Variants in PLEKHA5 observed in about 807,000 individuals in gnomAD.
PLEKHA5 encodes the protein pleckstrin homology domain containing A5, also known as pleckstrin homology domain-containing family A member 5.
Under a neutral mutation model 181.9 loss-of-function variants are expected in PLEKHA5, and 55 were observed. The observed-to-expected ratio is 0.30, with a 90% CI of 0.24 to 0.38. The LOEUF is 0.38. Ranked by LOEUF, PLEKHA5 falls within the 10% of genes least tolerant of loss-of-function variation. The pLI, the probability that PLEKHA5 is intolerant of heterozygous loss-of-function variation, is 1.00. For synonymous variants in PLEKHA5, 535 were observed against 529.4 expected, an observed-to-expected ratio of 1.01 and a Z score of -0.15; for missense variants, 1,432 against 1,549.5, an observed-to-expected ratio of 0.92 and a Z score of 1.27.
At chr12:19,276,108 T>C (rs2074434492) in intron 11 of PLEKHA5, among the ~76,000 whole-genome samples, 1 of 152,176 alleles carries the variant, frequency 6.6e-6, no homozygotes, top group African/African-American at 2.4e-5. Flanking sequence ...ATGCATATTA[T>C]GGCTTAGATA....
chr12:19,257,181 G>A (rs2067098952), intron 5 of PLEKHA5, among the ~76,000 whole-genome samples: 1 of 152,062 alleles, frequency 6.6e-6, no homozygotes, highest in African/African-American at 2.4e-5. Flanking sequence ...TCTAAAAATT[G>A]TATATCCTAT....
intron 4 of PLEKHA5, 110 bp from the exon 5 acceptor site, chr12:19,254,935 T>C: frequency 2.2e-6 from 2 of 897,070 alleles, no homozygotes; most frequent in African/African-American, 3.3e-5. Flanking sequence ...GTAACTAGGA[T>C]CCAAGTACTG....
At chr12:19,227,609 G>C (rs1023982433) in intron 3 of PLEKHA5, among the ~76,000 whole-genome samples, 5 of 152,130 alleles carry the variant, frequency 3.3e-5, no homozygotes, top group African/African-American at 1.2e-4. Flanking sequence ...AAAATCAGAA[G>C]GGCAAATGAA....
At chr12:19,274,408 T>C (rs577042609) in intron 10 of PLEKHA5, 108 bp from the exon 11 acceptor site, 3 of 701,748 alleles carry the variant, frequency 4.3e-6, no homozygotes, top group Non-Finnish European at 7.1e-6. Context: ...CCCTTTCCAG[T>C]CCCCTGGCCC....
At position 19,207,937 on chromosome 12, in the gene PLEKHA5, T is replaced by C. The variant is rs185526896; in HGVS notation, c.228-46003T>C. Among the ~76,000 whole-genome samples the C allele has an allele frequency of 8.8e-4, 134 of 152,306 alleles. 1 individual carries two copies. The highest frequency in any genetic ancestry group is 3.0e-3 in the African/African-American group (126 of 41,576). ...GTTATATAAGTTAAAATGGCATTTTTGAAAGCCACTAGGAGTGTAGTCAAT... is the reference window on the plus strand; with the variant it reads ...GTTATATAAGTTAAAATGGCATTTTCGAAAGCCACTAGGAGTGTAGTCAAT... On this transcript the variant is annotated intron_variant, in intron 3 of 31. Coordinates refer to ENST00000429027, the MANE Select transcript of PLEKHA5 (RefSeq NM_001256470.2).
chr12:19,336,986 T>C (rs2093475875), intron 21 of PLEKHA5, among the ~76,000 whole-genome samples: 2 of 146,312 alleles, frequency 1.4e-5, no homozygotes, highest in Non-Finnish European at 1.5e-5. Flanking sequence ...CTTTTATCTT[T>C]TTTTTTTTTT....
intron 25 of PLEKHA5, among the ~76,000 whole-genome samples, chr12:19,352,098 GAC>G (rs1422756731): frequency 8.0e-6 from 1 of 125,700 alleles, no homozygotes; most frequent in Non-Finnish European, 1.6e-5. Flanking sequence ...AAAAAAAAAA[GAC>G]TGGCTGGGCC....
At position 19,173,452 on chromosome 12, in the gene PLEKHA5, G is replaced by A. The variant is rs1011072894; in HGVS notation, c.227+41002G>A. On this transcript the variant is annotated intron_variant, in intron 3 of 31. Transcript: ENST00000429027. ...TCTGCCCATCAGAATAGTAAAGAAAGGATTCTCCAAAAAAAAAAATGTGCT... is the reference window on the plus strand; with the variant it reads ...TCTGCCCATCAGAATAGTAAAGAAAAGATTCTCCAAAAAAAAAAATGTGCT... Among the ~76,000 whole-genome samples the A allele has an allele frequency of 6.6e-5, 4 of 60,214 alleles. No individual in the cohort carries two copies. The South Asian group carries it at 2.5e-3, about 38-fold the overall frequency. 39.5% of individuals were successfully genotyped at this position (60,214 alleles called of 152,430 possible).
At chr12:19,205,250 C>T (rs1473541070) in intron 3 of PLEKHA5, 1 of 253,714 alleles carries the variant, frequency 3.9e-6, no homozygotes, top group Admixed American at 6.5e-5. Context: ...AAATTAGATA[C>T]TGAGCATGCT....
intron 3 of PLEKHA5, among the ~76,000 whole-genome samples, chr12:19,225,521 A>G (rs2059575443): frequency 6.6e-6 from 1 of 152,154 alleles, no homozygotes; most frequent in African/African-American, 2.4e-5. Flanking sequence ...ATTATGCTGT[A>G]TGGTCTGCCT....
At chr12:19,129,980 C>A in intron 1 of PLEKHA5, 71 bp from the exon 2 acceptor site, 1 of 1,450,050 alleles carries the variant, frequency 6.9e-7, no homozygotes, top group East Asian at 2.5e-5. Flanking sequence ...GGTCTGTGCT[C>A]CTGCAGCCCC....
intron 3 of PLEKHA5, among the ~76,000 whole-genome samples, chr12:19,222,928 G>A (rs1485367141): frequency 6.6e-6 from 1 of 151,636 alleles, no homozygotes; most frequent in African/African-American, 2.4e-5. Context: ...TATAATCCAA[G>A]GGATATTATT....
At chr12:19,149,029 G>C (rs2039669746) in intron 3 of PLEKHA5, among the ~76,000 whole-genome samples, 1 of 152,156 alleles carries the variant, frequency 6.6e-6, no homozygotes, top group African/African-American at 2.4e-5. Flanking sequence ...AGTCTTTACT[G>C]TATATAACAC....
chr12:19,259,333 C>T (rs1040071886), intron 6 of PLEKHA5, among the ~76,000 whole-genome samples: 1 of 151,970 alleles, frequency 6.6e-6, no homozygotes, highest in Non-Finnish European at 1.5e-5. Context: ...TGCCACTGCA[C>T]TCCAGCCTGG....
chr12:19,201,586 T>C (rs1402564245), intron 3 of PLEKHA5: 1 of 152,058 alleles, frequency 6.6e-6, no homozygotes, highest in African/African-American at 2.4e-5. Context: ...CTACTGTGAA[T>C]GGAGAGACAA....
intron 3 of PLEKHA5, among the ~76,000 whole-genome samples, chr12:19,253,262 A>G (rs1344657687): frequency 1.3e-5 from 2 of 150,204 alleles, no homozygotes; most frequent in Admixed American, 1.3e-4. Flanking sequence ...TTTAGTAGAG[A>G]TGGTGTTTCA....
intron 3 of PLEKHA5, among the ~76,000 whole-genome samples, chr12:19,238,502 G>A (rs1321007936): frequency 6.6e-6 from 1 of 152,050 alleles, no homozygotes; most frequent in Non-Finnish European, 1.5e-5. Context: ...TTAAGTTGCA[G>A]AATTTTCAGA....
intron 22 of PLEKHA5, among the ~76,000 whole-genome samples, chr12:19,345,333 G>A (rs1185573340): frequency 6.6e-6 from 1 of 151,530 alleles, no homozygotes; most frequent in Non-Finnish European, 1.5e-5. Flanking sequence ...CTGGGACGCA[G>A]AGGTTGCAGT....
chr12:19,229,522 T>A (rs968922799), intron 3 of PLEKHA5, among the ~76,000 whole-genome samples: 12 of 151,424 alleles, frequency 7.9e-5, no homozygotes. Context: ...CTGTCTAGAG[T>A]TGTTCATTCC....
Sources: gnomAD v4.1 joint callset for allele counts (sites outside exome capture counted in the v4.1 genomes callset) on GRCh38, gnomAD v4.1.1 for gene constraint, MANE v1.5 for transcripts, NCBI Gene and HGNC (gene_info 2026-07-23, HGNC 2026-07-21) for gene names.